Variants in DNM3 observed in about 807,000 individuals in gnomAD.
The protein encoded by DNM3 is dynamin-3.
In DNM3, 47 loss-of-function variants were observed where a neutral mutation model predicts 101.6. The ratio of observed to expected loss-of-function variants is 0.46; its 90% CI spans 0.37 to 0.59. The LOEUF (loss-of-function observed/expected upper bound fraction) is 0.59, where lower values mean the gene tolerates loss of function less well. Ranked by LOEUF, DNM3 falls within the 20% of genes least tolerant of loss-of-function variation. DNM3 has a pLI of 0.00. For missense variants in DNM3, 849 were observed against 1,085.7 expected (o/e 0.78, Z 3.06); for synonymous variants, 385 against 387.9 (o/e 0.99, Z 0.09).
chr1:172,045,647 A>G (rs960614154), intron 9 of DNM3, among the ~76,000 whole-genome samples: 2 of 152,224 alleles, frequency 1.3e-5, no homozygotes, highest in African/African-American at 4.8e-5. Context: ...TTTAAAGCAC[A>G]TATTTATTCA....
chr1:172,027,794 T>C (rs571260899), intron 4 of DNM3, among the ~76,000 whole-genome samples: 97 of 152,142 alleles, frequency 6.4e-4, no homozygotes, highest in African/African-American at 2.2e-3. Context: ...TAAAACAGAC[T>C]TTAAGCCAAC....
At chr1:172,197,513 AATG>A (rs1048698112) in intron 14 of DNM3, among the ~76,000 whole-genome samples, 186 of 152,118 alleles carry the variant, frequency 1.2e-3, no homozygotes, top group African/African-American at 4.1e-3. Flanking sequence ...TAACCATTTT[AATG>A]ATATCAATTC....
At chr1:171,887,416 A>G (rs1294706513) in intron 1 of DNM3, among the ~76,000 whole-genome samples, 1 of 152,120 alleles carries the variant, frequency 6.6e-6, no homozygotes, top group Non-Finnish European at 1.5e-5. Context: ...GGTCTTTCTT[A>G]AAAAATGTCT....
Position 172,012,120 on chromosome 1 carries a change from A to G in DNM3, c.590-20282A>G, listed in dbSNP as rs553097179. ...CATTGTTTCTGCTAATAACACCACA[A>G]TAAGTAGACTCAAACATGTAATGGT... On this transcript the variant is annotated intron_variant, in intron 4 of 20. Transcript: ENST00000627582. 3.3e-4 allele frequency among the ~76,000 whole-genome samples: 50 copies of G among 152,172 alleles called. No individual in the cohort carries two copies. In the South Asian group the frequency reaches 9.7e-3, roughly 30 times the overall value.
chr1:172,055,963 G>A (rs2050572955), intron 10 of DNM3, among the ~76,000 whole-genome samples: 1 of 152,180 alleles, frequency 6.6e-6, no homozygotes, highest in African/African-American at 2.4e-5. Flanking sequence ...GCCAGACAGT[G>A]GGCGCAGGTC....
chr1:172,094,798 T>A (rs887932978), intron 13 of DNM3, among the ~76,000 whole-genome samples: 6 of 152,152 alleles, frequency 3.9e-5, no homozygotes, highest in African/African-American at 1.4e-4. Flanking sequence ...TTAGAAGCTA[T>A]GGAAATTGTT....
chr1:171,938,861 T>G (rs2041627723), intron 2 of DNM3, among the ~76,000 whole-genome samples: 1 of 152,230 alleles, frequency 6.6e-6, no homozygotes, highest in African/African-American at 2.4e-5. Context: ...TCTGGGACTG[T>G]CATTCAGACC....
chr1:172,189,578 A>G (rs1307466683), intron 14 of DNM3, among the ~76,000 whole-genome samples: 1 of 152,050 alleles, frequency 6.6e-6, no homozygotes, highest in Non-Finnish European at 1.5e-5. Context: ...ATGTTAGTAG[A>G]AGCATATCTA....
chr1:171,985,356 T>C (rs1016195093), intron 2 of DNM3, among the ~76,000 whole-genome samples: 2 of 152,254 alleles, frequency 1.3e-5, no homozygotes, highest in African/African-American at 4.8e-5. Flanking sequence ...CTTATCTATA[T>C]ACTCTTACAT....
chr1:172,285,025 G>T (rs993831318), intron 15 of DNM3, among the ~76,000 whole-genome samples: 1 of 152,120 alleles, frequency 6.6e-6, no homozygotes, highest in African/African-American at 2.4e-5. Flanking sequence ...GCAGTCAGGG[G>T]AATAGAGGCA....
At chr1:171,864,612 C>T (rs1220644846) in intron 1 of DNM3, 3 of 152,130 alleles carry the variant, frequency 2.0e-5, no homozygotes, top group Non-Finnish European at 2.9e-5. Context: ...TAGGCAGGAA[C>T]CAAGAGAAGC....
chr1:171,942,388 A>C (rs1374248807), intron 2 of DNM3, among the ~76,000 whole-genome samples: 2 of 152,062 alleles, frequency 1.3e-5, no homozygotes, highest in African/African-American at 4.8e-5. Context: ...GCAAACTTTT[A>C]TGTAAGGAAA....
chr1:172,266,070 A>G (rs895272252), intron 15 of DNM3, among the ~76,000 whole-genome samples: 1 of 152,188 alleles, frequency 6.6e-6, no homozygotes, highest in South Asian at 2.1e-4. Flanking sequence ...ATAAATGTCA[A>G]ATAATGCCGC....
At chr1:172,197,935 C>A (rs919655606) in intron 14 of DNM3, among the ~76,000 whole-genome samples, 6 of 152,056 alleles carry the variant, frequency 3.9e-5, no homozygotes, top group African/African-American at 1.4e-4. Context: ...GCTAGGACTT[C>A]CAATACTATG....
intron 14 of DNM3, among the ~76,000 whole-genome samples, chr1:172,194,445 A>G (rs1455137312): frequency 6.6e-6 from 1 of 152,050 alleles, no homozygotes; most frequent in Non-Finnish European, 1.5e-5. Context: ...TGATCTGTCT[A>G]ATGTTGACAG....
At chr1:172,080,194 A>G (rs1274949038) in intron 11 of DNM3, among the ~76,000 whole-genome samples, 1 of 152,166 alleles carries the variant, frequency 6.6e-6, no homozygotes, top group African/African-American at 2.4e-5. Context: ...GCAGGCAGGA[A>G]CATTTAAGTC....
At chr1:172,050,117 A>T (rs1223475689) in intron 10 of DNM3, among the ~76,000 whole-genome samples, 1 of 152,238 alleles carries the variant, frequency 6.6e-6, no homozygotes, top group South Asian at 2.1e-4. Flanking sequence ...AAAAAAATCA[A>T]TCTTTCTACC....
intron 4 of DNM3, among the ~76,000 whole-genome samples, chr1:172,031,952 G>T (rs986227770): frequency 2.0e-5 from 3 of 152,034 alleles, no homozygotes; most frequent in Admixed American, 6.6e-5. Context: ...ACTAGAACTG[G>T]ATCAATAGTA....
At chr1:171,910,424 T>C (rs931396178) in intron 1 of DNM3, among the ~76,000 whole-genome samples, 5 of 152,218 alleles carry the variant, frequency 3.3e-5, no homozygotes, top group African/African-American at 1.2e-4. Context: ...CCACATGGTA[T>C]ACACTATCTG....
Sources: allele counts gnomAD v4.1 joint callset (sites outside exome capture counted in the v4.1 genomes callset), GRCh38; gene constraint gnomAD v4.1.1; transcripts MANE v1.5; gene names NCBI Gene and HGNC (gene_info 2026-07-23, HGNC 2026-07-21).